Variants in MAML3 observed in about 807,000 individuals in gnomAD.
The protein encoded by MAML3 is mastermind like transcriptional coactivator 3, also known as mastermind-like protein 3.
Under a neutral mutation model 101.9 loss-of-function variants are expected in MAML3, and 27 were observed. That is an observed-to-expected ratio of 0.27 (90% CI 0.20 to 0.37). The LOEUF is 0.37. Ranked by LOEUF, MAML3 falls within the 10% of genes least tolerant of loss-of-function variation. The probability of loss-of-function intolerance (pLI) is 1.00; values close to 1 mark genes in which losing one functional copy is unlikely to be tolerated. For missense variants in MAML3, 1,316 were observed against 1,444.9 expected, an observed-to-expected ratio of 0.91 and a Z score of 1.45; for synonymous variants, 501 against 555.9, an observed-to-expected ratio of 0.90 and a Z score of 1.39.
At chr4:139,958,239 A>G (rs76771487) in intron 1 of MAML3, among the ~76,000 whole-genome samples, 3,170 of 152,202 alleles carry the variant, frequency 0.021, 35 homozygotes, top group Middle Eastern at 0.027. Flanking sequence ...CATGTGGACC[A>G]TCTTATATGG....
At chr4:139,796,545 C>T (rs1407185078) in intron 2 of MAML3, among the ~76,000 whole-genome samples, 1 of 152,124 alleles carries the variant, frequency 6.6e-6, no homozygotes, top group African/African-American at 2.4e-5. Context: ...CAGAGATTTC[C>T]ATGGGTGTGA....
At chr4:140,078,517 A>G (rs1475689811) in intron 1 of MAML3, among the ~76,000 whole-genome samples, 1 of 152,102 alleles carries the variant, frequency 6.6e-6, no homozygotes, top group East Asian at 1.9e-4. Context: ...GCTTTCAGGG[A>G]TCTCACTTGC....
chr4:139,765,378 T>A (rs551095488), intron 2 of MAML3, among the ~76,000 whole-genome samples: 3 of 152,342 alleles, frequency 2.0e-5, no homozygotes, highest in African/African-American at 7.2e-5. Context: ...TGTTAAGTAA[T>A]CTTTAAAATA....
At chr4:140,055,723 A>G (rs551640933) in intron 1 of MAML3, among the ~76,000 whole-genome samples, 10 of 152,174 alleles carry the variant, frequency 6.6e-5, no homozygotes, top group Non-Finnish European at 1.5e-4. Context: ...GAGTTCTTTC[A>G]TCAAGTATAT....
chr4:139,730,935 T>C, intron 2 of MAML3: 1 of 507,128 alleles, frequency 2.0e-6, no homozygotes, highest in East Asian at 3.1e-5. Context: ...GGACTGACTA[T>C]TGCATATAGA....
At chr4:139,976,433 C>T (rs1019938676) in intron 1 of MAML3, among the ~76,000 whole-genome samples, 4 of 152,130 alleles carry the variant, frequency 2.6e-5, no homozygotes, top group Non-Finnish European at 5.9e-5. Context: ...TTACTAGAGC[C>T]ACAGCAAGAA....
chr4:140,008,152 C>G (rs1333317495), intron 1 of MAML3, among the ~76,000 whole-genome samples: 1 of 152,184 alleles, frequency 6.6e-6, no homozygotes, highest in Non-Finnish European at 1.5e-5. Context: ...TGAGACCAGC[C>G]TGGCCTACGT....
rs1455806504 is a variant in MAML3 at position 140,091,542 on chromosome 4, ACAAAAC to A, written c.468+61312_468+61317del. Among the ~76,000 whole-genome samples, 23 of 129,708 alleles carry A rather than the reference ACAAAAC, an allele frequency of 1.8e-4. 1 individual carries two copies. Among genetic ancestry groups the A allele is most frequent in the African/African-American group, 2.2e-4 (8 of 35,614 alleles). 85.1% of individuals were successfully genotyped at this position (129,708 alleles called of 152,430 possible). The stretch of plus-strand genomic sequence containing the variant: ...AACAAAACAAAACAACAAAACAAAA[ACAAAAC>A]AAAAAAAAAAAACAGGACCAAGGAC... On this transcript the variant is annotated intron_variant, in intron 1 of 4. Transcript: ENST00000509479.
At chr4:139,899,242 C>T (rs564081727) in intron 1 of MAML3, among the ~76,000 whole-genome samples, 3 of 152,212 alleles carry the variant, frequency 2.0e-5, no homozygotes, top group South Asian at 4.1e-4. Flanking sequence ...AATGTCACTA[C>T]AAAATGTTCC....
At chr4:139,851,882 C>T (rs1290119025) in intron 2 of MAML3, among the ~76,000 whole-genome samples, 1 of 152,104 alleles carries the variant, frequency 6.6e-6, no homozygotes, top group East Asian at 1.9e-4. Flanking sequence ...GAGTGAATAG[C>T]TGAGGGATTG....
rs565291076 is a variant in MAML3 at position 139,933,295 on chromosome 4, AC to A, written c.469-42329del. ...ATATTTTCCCTGGTTGGCTCTTCCT[AC>A]TCAGGGCCCGCCCATGAGCATCCTT... On this transcript the variant is annotated intron_variant, in intron 1 of 4. Transcript: ENST00000509479. Among the ~76,000 whole-genome samples the A allele has an allele frequency of 2.4e-3, 366 of 152,122 alleles. 3 individuals are homozygous for A. The highest frequency in any genetic ancestry group is 8.5e-3 in the African/African-American group (352 of 41,480).
chr4:140,013,378 C>G (rs1726594361), intron 1 of MAML3, among the ~76,000 whole-genome samples: 1 of 152,188 alleles, frequency 6.6e-6, no homozygotes, highest in African/African-American at 2.4e-5. Context: ...CCTAACTGTT[C>G]TTTAAGATGC....
chr4:139,844,895 A>G (rs149140370), intron 2 of MAML3, among the ~76,000 whole-genome samples: 22 of 152,220 alleles, frequency 1.4e-4, no homozygotes, highest in Non-Finnish European at 3.1e-4. Flanking sequence ...GTTTAGTCCT[A>G]TTCTGGCTCA....
intron 1 of MAML3, among the ~76,000 whole-genome samples, chr4:140,081,287 A>C (rs1298935750): frequency 6.6e-6 from 1 of 152,100 alleles, no homozygotes; most frequent in African/African-American, 2.4e-5. Context: ...TTTGTACATG[A>C]ACACAAAATG....
chr4:139,941,394 A>G (rs772865332), intron 1 of MAML3, among the ~76,000 whole-genome samples: 23 of 152,202 alleles, frequency 1.5e-4, no homozygotes, highest in Non-Finnish European at 2.6e-4. Flanking sequence ...CAACATGCAG[A>G]GACAGGTTAA....
In MAML3 at chr4:139,957,713, C is replaced by T. The variant is rs536720441; in HGVS notation, c.469-66746G>A. Among the ~76,000 whole-genome samples the T allele has an allele frequency of 3.3e-5, 5 of 152,322 alleles. No individual in the cohort carries two copies. The South Asian group carries it at 1.0e-3, about 32-fold the overall frequency. On this transcript the variant is annotated intron_variant, in intron 1 of 4. Transcript: ENST00000509479. ...ACTGCTTTTTCTTTGGCTGTCTTTA[C>T]ATCTTCTCACTCTAAATTATTATGA...
chr4:140,032,763 T>C lies in MAML3; in HGVS notation c.468+120097A>G, dbSNP rs545685960. On this transcript the variant is annotated intron_variant, in intron 1 of 4. Coordinates refer to ENST00000509479, the MANE Select transcript of MAML3 (RefSeq NM_018717.5). The stretch of plus-strand genomic sequence containing the variant: ...TATTCTGAGGAAAACTTACTCGACA[T>C]CTAGGAATATGGTCAATTTTTATTC... Among the ~76,000 whole-genome samples, 4 of 152,072 alleles carry C rather than the reference T, an allele frequency of 2.6e-5. No homozygotes were observed. The South Asian group carries it at 8.3e-4, about 32-fold the overall frequency.
chr4:140,077,361 C>G (rs1017504129), intron 1 of MAML3, among the ~76,000 whole-genome samples: 1 of 152,170 alleles, frequency 6.6e-6, no homozygotes, highest in African/African-American at 2.4e-5. Flanking sequence ...GAGGGTTGTT[C>G]CCTCCTCACC....
intron 1 of MAML3, among the ~76,000 whole-genome samples, chr4:140,089,026 CA>C (rs1728003071): frequency 6.6e-6 from 1 of 151,868 alleles, no homozygotes; most frequent in African/African-American, 2.4e-5. Flanking sequence ...ACATCAATGA[CA>C]AGGAAGATAC....
Sources: allele counts gnomAD v4.1 joint callset (sites outside exome capture counted in the v4.1 genomes callset), GRCh38; gene constraint gnomAD v4.1.1; transcripts MANE v1.5; gene names NCBI Gene and HGNC (gene_info 2026-07-23, HGNC 2026-07-21).